MARCHF1: variants seen among roughly 807,000 people sequenced by gnomAD.
MARCHF1 encodes the protein E3 ubiquitin-protein ligase MARCHF1.
MARCHF1 carries 40 observed loss-of-function variants against 54.2 expected under a neutral mutation model. The observed-to-expected ratio is 0.74, with a 90% confidence interval of 0.57 to 0.96. The LOEUF is 0.96. Ranked by LOEUF, MARCHF1 falls within the 40% of genes least tolerant of loss-of-function variation. The pLI, the probability that MARCHF1 is intolerant of heterozygous loss-of-function variation, is 0.00. For missense variants in MARCHF1, 586 were observed against 656.5 expected (o/e 0.89, Z 1.17); for synonymous variants, 236 against 236.3 (o/e 1.00, Z 0.01).
At chr4:163,873,800 A>G (rs1013747057) in intron 3 of MARCHF1, among the ~76,000 whole-genome samples, 3 of 152,190 alleles carry the variant, frequency 2.0e-5, no homozygotes, top group Admixed American at 6.5e-5. Flanking sequence ...GTCCAAGCCA[A>G]CTGGTCCTGT....
rs558442627 is a variant in MARCHF1 at position 163,677,937 on chromosome 4, A to C, written c.162+22876T>G. Reference sequence around the variant, plus strand: ...ATCTGTAAAAGTATAGTTTCTTAACAACTTAGCAAGGTTGGAAGGATGAAT... The same window carrying C: ...ATCTGTAAAAGTATAGTTTCTTAACCACTTAGCAAGGTTGGAAGGATGAAT... On this transcript the variant is annotated intron_variant, in intron 5 of 9. Coordinates refer to ENST00000514618, the MANE Select transcript of MARCHF1 (RefSeq NM_001394959.1). Among the ~76,000 whole-genome samples, 9 of 152,358 alleles carry C rather than the reference A, an allele frequency of 5.9e-5. No individual in the cohort carries two copies. The East Asian group carries it at 1.7e-3, about 29-fold the overall frequency.
chr4:163,633,481 C>T (rs528227035), intron 5 of MARCHF1, among the ~76,000 whole-genome samples: 1 of 152,064 alleles, frequency 6.6e-6, no homozygotes, highest in South Asian at 2.1e-4. Context: ...CGATCAACTG[C>T]AAGGAAAGGT....
chr4:163,600,203 C>T (rs1240406742), intron 7 of MARCHF1, among the ~76,000 whole-genome samples: 1 of 151,738 alleles, frequency 6.6e-6, no homozygotes, highest in Non-Finnish European at 1.5e-5. Context: ...AATTTATACA[C>T]ACATATTTTA....
chr4:163,944,663 T>G (rs1751989530), intron 3 of MARCHF1, among the ~76,000 whole-genome samples: 1 of 152,176 alleles, frequency 6.6e-6, no homozygotes, highest in South Asian at 2.1e-4. Flanking sequence ...TCTTAACATC[T>G]ACTCCAAAAA....
intron 5 of MARCHF1, among the ~76,000 whole-genome samples, chr4:163,638,880 G>A (rs1187269285): frequency 6.6e-6 from 1 of 152,100 alleles, no homozygotes; most frequent in Non-Finnish European, 1.5e-5. Flanking sequence ...CTTGTTACAT[G>A]CAACAACATT....
intron 3 of MARCHF1, among the ~76,000 whole-genome samples, chr4:163,870,470 C>T (rs928674739): frequency 4.6e-5 from 7 of 151,962 alleles, no homozygotes; most frequent in Non-Finnish European, 1.0e-4. Context: ...GTTTTATATA[C>T]CACAGAAAAG....
At chr4:164,304,590 T>C (rs2111404893) in intron 1 of MARCHF1, among the ~76,000 whole-genome samples, 1 of 152,356 alleles carries the variant, frequency 6.6e-6, no homozygotes, top group Non-Finnish European at 1.5e-5. Flanking sequence ...ATTTCAAGTG[T>C]TGAGTTGCTC....
At chr4:163,990,414 G>A (rs1388961466) in intron 2 of MARCHF1, among the ~76,000 whole-genome samples, 1 of 152,076 alleles carries the variant, frequency 6.6e-6, no homozygotes, top group Admixed American at 6.6e-5. Context: ...CCATTCCAGT[G>A]CATCACGAAA....
intron 4 of MARCHF1, among the ~76,000 whole-genome samples, chr4:163,739,107 T>C (rs1031165651): frequency 6.6e-6 from 1 of 152,238 alleles, no homozygotes; most frequent in African/African-American, 2.4e-5. Context: ...AATATAATTT[T>C]ATAGCATTTT....
intron 3 of MARCHF1, among the ~76,000 whole-genome samples, chr4:163,910,827 A>T (rs1751173878): frequency 6.6e-6 from 1 of 152,288 alleles, no homozygotes; most frequent in South Asian, 2.1e-4. Context: ...TTCCTGGTGA[A>T]AAGTCTCTCC....
At chr4:164,301,296 G>C (rs946110175) in intron 1 of MARCHF1, among the ~76,000 whole-genome samples, 37 of 152,230 alleles carry the variant, frequency 2.4e-4, no homozygotes, top group African/African-American at 8.2e-4. Context: ...AAAATAAACT[G>C]TTTTGAAGAT....
intron 1 of MARCHF1, among the ~76,000 whole-genome samples, chr4:164,161,533 T>TCAC (rs1730235316): frequency 6.7e-6 from 1 of 150,028 alleles, no homozygotes; most frequent in Admixed American, 6.6e-5. Context: ...AAAATCATCA[T>TCAC]CATCATCATC....
chr4:164,188,083 G>A (rs1387848386), intron 1 of MARCHF1, among the ~76,000 whole-genome samples: 1 of 152,112 alleles, frequency 6.6e-6, no homozygotes, highest in Admixed American at 6.5e-5. Flanking sequence ...AGCGAGCAGG[G>A]CAATTAAAAC....
At chr4:164,014,228 C>CA (rs1231951439) in intron 2 of MARCHF1, among the ~76,000 whole-genome samples, 3 of 149,504 alleles carry the variant, frequency 2.0e-5, no homozygotes, top group Non-Finnish European at 4.4e-5. Context: ...AGCAGAAAGT[C>CA]AAAAAAATGA....
intron 1 of MARCHF1, chr4:164,189,269 C>G: frequency 1.7e-6 from 1 of 587,746 alleles, no homozygotes; most frequent in Non-Finnish European, 3.1e-6. Context: ...GCCAGATGGG[C>G]CCTGTCTCCT....
chr4:163,613,943 T>C (rs1741434270), intron 5 of MARCHF1, among the ~76,000 whole-genome samples: 1 of 152,164 alleles, frequency 6.6e-6, no homozygotes, highest in Non-Finnish European at 1.5e-5. Context: ...TGCAACACTA[T>C]TGGCCTTTCA....
intron 2 of MARCHF1, among the ~76,000 whole-genome samples, chr4:163,998,716 A>C (rs777926788): frequency 2.0e-5 from 3 of 151,738 alleles, no homozygotes; most frequent in Non-Finnish European, 4.4e-5. Flanking sequence ...TTTCACATAC[A>C]AATGAGATTA....
At chr4:164,146,822 T>C (rs1431320893) in intron 1 of MARCHF1, among the ~76,000 whole-genome samples, 4 of 151,674 alleles carry the variant, frequency 2.6e-5, no homozygotes, top group Non-Finnish European at 5.9e-5. Flanking sequence ...AATTGACAAA[T>C]GGGATCTAAT....
intron 1 of MARCHF1, among the ~76,000 whole-genome samples, chr4:164,125,585 G>C: frequency 6.6e-6 from 1 of 152,076 alleles, no homozygotes; most frequent in East Asian, 1.9e-4. Context: ...CCAACTGCCT[G>C]GTACAAAGTG....
Sources: allele counts gnomAD v4.1 joint callset (sites outside exome capture counted in the v4.1 genomes callset), GRCh38; gene constraint gnomAD v4.1.1; transcripts MANE v1.5; gene names NCBI Gene and HGNC (gene_info 2026-07-23, HGNC 2026-07-21).